CFAP157: variants seen among roughly 807,000 people sequenced by gnomAD.
CFAP157 encodes cilia- and flagella-associated protein 157.
A neutral mutation model predicts 57.8 loss-of-function variants in CFAP157; 43 were observed. That is an observed-to-expected ratio of 0.74 (90% CI 0.58 to 0.96). The LOEUF is 0.96. Ranked by LOEUF, CFAP157 falls within the 40% of genes least tolerant of loss-of-function variation. The pLI is 0.00. For synonymous variants in CFAP157, 267 were observed against 269.0 expected (o/e 0.99, Z 0.07); for missense variants, 606 against 655.3 (o/e 0.92, Z 0.82).
At chr9:127,710,210 G>A (rs1306735753) in intron 2 of CFAP157, among the ~76,000 whole-genome samples, 1 of 151,448 alleles carries the variant, frequency 6.6e-6, no homozygotes, top group East Asian at 1.9e-4. Context: ...GGGAGGCTGG[G>A]AGGTTGAGAC....
In CFAP157 at chr9:127,709,656, G is replaced by A; in HGVS notation, c.396G>A (p.Glu132=). 6.2e-7 allele frequency: 1 copy of A among 1,613,734 alleles called. No individual in the cohort carries two copies. The highest frequency in any genetic ancestry group is 8.5e-7 in the Non-Finnish European group (1 of 1,180,014). The change falls in exon 2 of 9, where the codon GAG becomes GAA. Residue 132 remains glutamate, a synonymous_variant. Coordinates refer to ENST00000373295, the MANE Select transcript of CFAP157 (RefSeq NM_001012502.3). The surrounding 1 kb of genome is among the most constrained non-coding windows in gnomAD (Gnocchi z 4.7). ...QLAQVRHEFQ[E]TKDQLTTENI... ...CCCAGGTGCGCCACGAGTTCCAGGA[G>A]ACCAAGGACCAGCTCACCACGGAGA...
intron 1 of CFAP157, 63 bp downstream of exon 1, chr9:127,707,255 C>T (rs1842667641): frequency 1.7e-5 from 26 of 1,571,724 alleles, no homozygotes; most frequent in Non-Finnish European, 2.2e-5. Flanking sequence ...CAGGTGGCCC[C>T]CATGCAGGTT....
chr9:127,715,649 A>AT lies in CFAP157; in HGVS notation c.*1746dup. 1 of 1,609,986 alleles carries AT rather than the reference A, an allele frequency of 6.2e-7. No homozygotes were observed. Among genetic ancestry groups the AT allele is most frequent in the Non-Finnish European group, 8.5e-7 (1 of 1,179,380 alleles). On this transcript the variant is annotated 3_prime_UTR_variant, in exon 9 of 9. Transcript: ENST00000373295. This position sits in a 1 kb window ranked among gnomAD's most constrained non-coding sequence, Gnocchi z 5.8. ...AGCCGCCCGGCCTCATGCTGCCCCC[A>AT]TTCACTCCGACACCGCCCCCTGACG...
rs376141814 is a variant in CFAP157 at position 127,707,147 on chromosome 9, A to G, written c.116A>G (p.Glu39Gly). The G allele has an allele frequency of 3.3e-5, 53 of 1,613,464 alleles. No individual in the cohort carries two copies. Among genetic ancestry groups the G allele is most frequent in the Non-Finnish European group, 4.4e-5 (52 of 1,179,976 alleles). ...VEPPLAKEMK[E>G]FYHIQIRDLE... ...CCGCCTCTGGCCAAGGAGATGAAGG[A>G]GTTCTACCACATCCAGATCCGAGAC... Residue 39 changes from glutamate (E) to glycine (G), a missense_variant, in exon 1 of 9, where the codon GAG becomes GGG. Glu to Gly is a moderately conservative substitution (Grantham distance 98). Transcript: ENST00000373295.
chr9:127,715,771 G>T lies in CFAP157; in HGVS notation c.*1866G>T. ...GCTACGTGGCCGCCATGCTTCTGAGGGGCGGAAGCGGCGAGGCGGTGGCCG... is the reference window on the plus strand; with the variant it reads ...GCTACGTGGCCGCCATGCTTCTGAGTGGCGGAAGCGGCGAGGCGGTGGCCG... On this transcript the variant is annotated 3_prime_UTR_variant, in exon 9 of 9. Transcript: ENST00000373295. The surrounding 1 kb of genome is among the most constrained non-coding windows in gnomAD (Gnocchi z 5.8). 1 of 1,497,010 alleles carries T rather than the reference G, an allele frequency of 6.7e-7. No individual in the cohort carries two copies. The highest frequency in any genetic ancestry group is 8.9e-7 in the Non-Finnish European group (1 of 1,126,354). The allele number at this position is 1,497,010 out of a possible 1,614,324, so 92.7% of individuals were successfully genotyped here.
chr9:127,711,551 C>T, intron 4 of CFAP157, 55 bp downstream of exon 4: 3 of 1,575,334 alleles, frequency 1.9e-6, no homozygotes, highest in Non-Finnish European at 2.6e-6. Flanking sequence ...GGAGGCCGCC[C>T]TGGGGGCCCT....
chr9:127,712,570 G>A, intron 6 of CFAP157, 139 bp from the exon 7 acceptor site: 1 of 1,551,798 alleles, frequency 6.4e-7, no homozygotes, highest in Non-Finnish European at 8.7e-7. Flanking sequence ...TTGGGCCTCA[G>A]TCTTCCCGAC....
At position 127,713,256 on chromosome 9, in the gene CFAP157, G is replaced by A. The variant is rs369614319; in HGVS notation, c.1491+50G>A. 7 of 1,386,684 alleles carry A rather than the reference G, an allele frequency of 5.0e-6. No homozygotes were observed. In the African/African-American group the frequency reaches 8.7e-5, roughly 17 times the overall value. The allele number at this position is 1,386,684 out of a possible 1,614,324, so 85.9% of individuals were successfully genotyped here. A position where few individuals can be genotyped will look rare whatever the true frequency, so the allele number is the denominator to read the frequency against. On this transcript the variant is annotated intron_variant, in intron 8 of 8. Coordinates refer to ENST00000373295, the MANE Select transcript of CFAP157 (RefSeq NM_001012502.3). ...AAAGCAAGGTGGCAGCTAGTCCTGG[G>A]TACAAACTGAGGCTCTGCCAGGCCA... is the stretch of plus-strand genomic sequence containing the variant.
chr9:127,715,737 CCG>C lies in CFAP157; in HGVS notation c.*1833_*1834del. The C allele has an allele frequency of 6.5e-7, 1 of 1,540,182 alleles. No individual in the cohort carries two copies. Reference sequence around the variant, plus strand: ...TTGGCGTCCACCGCCAACGTCCAATCCGGGCCGGGCTACGTGGCCGCCATGCT... The same window carrying C: ...TTGGCGTCCACCGCCAACGTCCAATCGGCCGGGCTACGTGGCCGCCATGCT... On this transcript the variant is annotated 3_prime_UTR_variant, in exon 9 of 9. Coordinates refer to ENST00000373295, the MANE Select transcript of CFAP157 (RefSeq NM_001012502.3). The surrounding 1 kb of genome is among the most constrained non-coding windows in gnomAD (Gnocchi z 5.8).
Position 127,709,581 on chromosome 9 carries a change from C to T in CFAP157, c.321C>T (p.Asn107=). 1 of 1,614,100 alleles carries T rather than the reference C, an allele frequency of 6.2e-7. No individual in the cohort carries two copies. The highest frequency in any genetic ancestry group is 2.2e-5 in the East Asian group (1 of 44,884). The change falls in exon 2 of 9, where the codon AAC becomes AAT. Residue 107 remains asparagine (N), a synonymous_variant. Coordinates refer to ENST00000373295, the MANE Select transcript of CFAP157 (RefSeq NM_001012502.3). This position sits in a 1 kb window ranked among gnomAD's most constrained non-coding sequence, Gnocchi z 4.7. ...EITDLNEQLQ[N]LQLAKEMEKD... ...CAGACCTCAACGAGCAGCTCCAGAA[C>T]TTGCAGCTAGCCAAAGAGATGGAGA...
chr9:127,713,787 G>A (rs1588397487), intron 8 of CFAP157, 47 bp from the exon 9 acceptor site: 2 of 1,525,218 alleles, frequency 1.3e-6, no homozygotes, highest in African/African-American at 2.7e-5. Context: ...GATTATAGGT[G>A]TGAGCCACTG....
chr9:127,710,650 C>A lies in CFAP157; in HGVS notation c.483C>A (p.Val161=), dbSNP rs760945846. 1.9e-6 allele frequency: 3 copies of A among 1,587,212 alleles called. No individual in the cohort carries two copies. In the Admixed American group the frequency reaches 5.4e-5, roughly 29 times the overall value. ...AGTTCCGGCTGCAGAAAGAGGAGGT[C>A]ACGGACAAGTTCACATTGCTGGAGG... ...LEEFRLQKEE[V]TDKFTLLEEQ... Residue 161 remains valine, a synonymous_variant, in exon 3 of 9, where the codon GTC becomes GTA. Coordinates refer to ENST00000373295, the MANE Select transcript of CFAP157 (RefSeq NM_001012502.3).
rs377034913 is a variant in CFAP157 at position 127,712,027 on chromosome 9, C to G, written c.986+77C>G. The G allele has an allele frequency of 3.9e-6, 6 of 1,529,440 alleles. 1 individual carries two copies. The Middle Eastern group carries it at 9.4e-4, about 240-fold the overall frequency. The allele number at this position is 1,529,440 out of a possible 1,614,324, so 94.7% of individuals were successfully genotyped here. A position where few individuals can be genotyped will look rare whatever the true frequency, so the allele number is the denominator to read the frequency against. On this transcript the variant is annotated intron_variant, in intron 5 of 8. Transcript: ENST00000373295. The stretch of plus-strand genomic sequence containing the variant: ...TCTGGCCCAGCTCTTTCCGATCCCA[C>G]GACCCAGGCCAGTGACTTCCCCTCT...
Position 127,711,867 on chromosome 9 carries a change from C to T in CFAP157, c.903C>T (p.Thr301=), listed in dbSNP as rs1026774885. 18 of 1,585,058 alleles carry T rather than the reference C, an allele frequency of 1.1e-5. No individual in the cohort carries two copies. The highest frequency in any genetic ancestry group is 1.8e-5 in the Admixed American group (1 of 54,202). The change falls in exon 5 of 9, where the codon ACC becomes ACT. Residue 301 remains threonine (T), a synonymous_variant. Coordinates refer to ENST00000373295, the MANE Select transcript of CFAP157 (RefSeq NM_001012502.3). ...AGTGCCAGGAGCAGCAGCAGGACAC[C>T]AAGGAGGCCGAGGAGCTGCGCCTCC... ...TKKCQEQQQD[T]KEAEELRLLL... is the part of the protein sequence containing the mutation.
chr9:127,709,929 G>A lies in CFAP157; in HGVS notation c.433+236G>A, dbSNP rs118183646. On this transcript the variant is annotated intron_variant, in intron 2 of 8. Transcript: ENST00000373295. The surrounding 1 kb of genome is among the most constrained non-coding windows in gnomAD (Gnocchi z 4.7). ...AGGTCCCCCAGTTGGCAAGGGTTGT[G>A]AGGCTCAAATGTCAGATGGCATTAG... 6.6e-6 allele frequency among the ~76,000 whole-genome samples: 1 copy of A among 152,332 alleles called. No homozygotes were observed. Among genetic ancestry groups the A allele is most frequent in the East Asian group, 1.9e-4 (1 of 5,190 alleles).
rs562137135 is a variant in CFAP157 at position 127,712,350 on chromosome 9, G to C, written c.1137+1G>C. ...CTCCTTCCTACAGAACATTCTGCAGGTGAGCAGAAGGGAGAGAGGGAGGGC... is the reference window on the plus strand; with the variant it reads ...CTCCTTCCTACAGAACATTCTGCAGCTGAGCAGAAGGGAGAGAGGGAGGGC... On this transcript the variant is annotated splice_donor_variant, in intron 6 of 8. Coordinates refer to ENST00000373295, the MANE Select transcript of CFAP157 (RefSeq NM_001012502.3). LOFTEE classifies it high-confidence loss of function. 5.6e-6 allele frequency: 9 copies of C among 1,613,668 alleles called. No homozygotes were observed. The East Asian group carries it at 1.3e-4, about 24-fold the overall frequency.
Position 127,709,750 on chromosome 9 carries a change from C to A in CFAP157, c.433+57C>A. 6.4e-7 allele frequency: 1 copy of A among 1,552,666 alleles called. No homozygotes were observed. Among genetic ancestry groups the A allele is most frequent in the Non-Finnish European group, 8.8e-7 (1 of 1,142,404 alleles). The stretch of plus-strand genomic sequence containing the variant: ...GCACACATCCCAGCTCTATCACTGA[C>A]CCTGTTTCTCACCTGGGAAACAGGG... On this transcript the variant is annotated intron_variant, in intron 2 of 8. Coordinates refer to ENST00000373295, the MANE Select transcript of CFAP157 (RefSeq NM_001012502.3). This position sits in a 1 kb window ranked among gnomAD's most constrained non-coding sequence, Gnocchi z 4.7.
rs546875995 is a variant in CFAP157 at position 127,715,861 on chromosome 9, A to T, written c.*1956A>T. ...AGTGTCCCTTCGGGACTTGTGTGGGACGCTCGGAGCTCTTGCTTGACCTTC... is the reference window on the plus strand; with the variant it reads ...AGTGTCCCTTCGGGACTTGTGTGGGTCGCTCGGAGCTCTTGCTTGACCTTC... On this transcript the variant is annotated 3_prime_UTR_variant, in exon 9 of 9. Coordinates refer to ENST00000373295, the MANE Select transcript of CFAP157 (RefSeq NM_001012502.3). This position sits in a 1 kb window ranked among gnomAD's most constrained non-coding sequence, Gnocchi z 5.8. 51 of 919,876 alleles carry T rather than the reference A, an allele frequency of 5.5e-5. No homozygotes were observed. In the South Asian group the frequency reaches 8.1e-4, roughly 15 times the overall value. The allele number at this position is 919,876 out of a possible 1,614,324, so 57.0% of individuals were successfully genotyped here. A position where few individuals can be genotyped will look rare whatever the true frequency, so the allele number is the denominator to read the frequency against.
In CFAP157 at chr9:127,715,690, A is replaced by T; in HGVS notation, c.*1785A>T. On this transcript the variant is annotated 3_prime_UTR_variant, in exon 9 of 9. Coordinates refer to ENST00000373295, the MANE Select transcript of CFAP157 (RefSeq NM_001012502.3). The surrounding 1 kb of genome is among the most constrained non-coding windows in gnomAD (Gnocchi z 5.8). Reference sequence around the variant, plus strand: ...CCCCCTGACGTCATCACCCCGCAGCAGCCAATCGTGTTGCCAACTGTTTGG... The same window carrying T: ...CCCCCTGACGTCATCACCCCGCAGCTGCCAATCGTGTTGCCAACTGTTTGG... The T allele has an allele frequency of 6.9e-6, 11 of 1,586,096 alleles. No homozygotes were observed. Among genetic ancestry groups the T allele is most frequent in the Non-Finnish European group, 9.4e-6 (11 of 1,169,742 alleles).
Sources: gnomAD v4.1 joint callset for allele counts (sites outside exome capture counted in the v4.1 genomes callset) on GRCh38, gnomAD v4.1.1 for gene constraint, Gnocchi (gnomAD v3.1) non-coding constraint, MANE v1.5 for transcripts, NCBI Gene and HGNC (gene_info 2026-07-23, HGNC 2026-07-21) for gene names.